CAST: variants seen among roughly 807,000 people sequenced by gnomAD.
CAST encodes calpastatin.
A neutral mutation model predicts 119.6 loss-of-function variants in CAST; 76 were observed. That is an observed-to-expected ratio of 0.64 (90% CI 0.53 to 0.77). The LOEUF is 0.77. CAST is among the 30% of genes least tolerant of loss of function. The pLI, the probability that CAST is intolerant of heterozygous loss-of-function variation, is 0.00. For missense variants in CAST, 953 were observed against 946.5 expected, an observed-to-expected ratio of 1.01 and a Z score of -0.09; for synonymous variants, 319 against 331.6, an observed-to-expected ratio of 0.96 and a Z score of 0.41.
chr5:96,616,753 T>TATATAC (rs1167637550), intron 1 of CAST, among the ~76,000 whole-genome samples: 457 of 130,834 alleles, frequency 3.5e-3, no homozygotes, highest in Admixed American at 4.3e-3. Flanking sequence ...TCTATATATA[T>TATATAC]ACACACACAC....
At chr5:96,115,673 C>G in the CAST span, among the ~76,000 whole-genome samples, 2 of 152,130 alleles carry the variant, frequency 1.3e-5, no homozygotes, top group Non-Finnish European at 2.9e-5. Context: ...ATGTGGTCTT[C>G]CTGCTTTAAG....
At chr5:96,106,360 A>G in the CAST span, among the ~76,000 whole-genome samples, 3 of 152,110 alleles carry the variant, frequency 2.0e-5, no homozygotes, top group Non-Finnish European at 4.4e-5. Context: ...GTGGGCATTT[A>G]GTGCTATAAA....
the CAST span, among the ~76,000 whole-genome samples, chr5:96,465,291 A>G: frequency 6.6e-6 from 1 of 152,012 alleles, no homozygotes; most frequent in Non-Finnish European, 1.5e-5. Flanking sequence ...TTTCAATTAT[A>G]ATAAGGACAC....
the CAST span, among the ~76,000 whole-genome samples, chr5:96,174,946 G>A: frequency 5.9e-5 from 9 of 151,722 alleles, no homozygotes; most frequent in African/African-American, 4.8e-5. Flanking sequence ...ATTTATCTAG[G>A]CAAACTGATA....
the CAST span, among the ~76,000 whole-genome samples, chr5:96,049,432 G>T: frequency 6.6e-6 from 1 of 152,234 alleles, no homozygotes; most frequent in Non-Finnish European, 1.5e-5. Context: ...ATGATGAAAG[G>T]AGTCTGAATT....
At chr5:96,739,954 A>G (rs1762352321) in intron 11 of CAST, 84 bp from the exon 12 acceptor site, 7 of 682,076 alleles carry the variant, frequency 1.0e-5, no homozygotes, top group Non-Finnish European at 1.8e-5. Context: ...TAATAATGGA[A>G]TAGTGCTTTA....
chr5:96,268,793 G>C, the CAST span, among the ~76,000 whole-genome samples: 1 of 152,122 alleles, frequency 6.6e-6, no homozygotes, highest in Non-Finnish European at 1.5e-5. Flanking sequence ...ACTTTTATCA[G>C]ATAAAGTAGA....
chr5:96,539,898 G>A (rs141892917), intron 1 of CAST, among the ~76,000 whole-genome samples: 167 of 152,086 alleles, frequency 1.1e-3, no homozygotes, highest in African/African-American at 3.0e-3. Context: ...TGGGCAATCT[G>A]TCCTTAGTTT....
the CAST span, among the ~76,000 whole-genome samples, chr5:96,427,197 A>G: frequency 6.6e-6 from 1 of 152,238 alleles, no homozygotes; most frequent in Admixed American, 6.5e-5. Flanking sequence ...GAGCAATAAA[A>G]TGAAAACCAA....
At chr5:96,262,038 A>T in the CAST span, among the ~76,000 whole-genome samples, 1 of 152,262 alleles carries the variant, frequency 6.6e-6, no homozygotes, top group Non-Finnish European at 1.5e-5. Flanking sequence ...ATAAATGATC[A>T]AATTAACCTT....
intron 1 of CAST, among the ~76,000 whole-genome samples, chr5:96,613,821 G>A (rs1214476169): frequency 1.3e-5 from 2 of 152,118 alleles, no homozygotes; most frequent in Admixed American, 6.5e-5. Flanking sequence ...TAATCCTGTA[G>A]GTCTGGGGTG....
chr5:96,068,820 T>TAC, the CAST span, among the ~76,000 whole-genome samples: 12 of 151,180 alleles, frequency 7.9e-5, no homozygotes, highest in Non-Finnish European at 4.4e-5. Flanking sequence ...ATTTTATATA[T>TAC]ACACACACAC....
chr5:96,486,705 T>TGG, the CAST span, among the ~76,000 whole-genome samples: 11,080 of 151,642 alleles, frequency 0.073, 1,346 homozygotes, highest in African/African-American at 0.25. Context: ...TCTTTTGTGT[T>TGG]GGGGGGGCAG....
chr5:96,416,874 A>G, the CAST span, among the ~76,000 whole-genome samples: 3 of 152,184 alleles, frequency 2.0e-5, no homozygotes, highest in Non-Finnish European at 2.9e-5. Flanking sequence ...AAATTCCACC[A>G]CTAAAGCATC....
At chr5:96,248,668 T>C in the CAST span, among the ~76,000 whole-genome samples, 9 of 152,340 alleles carry the variant, frequency 5.9e-5, no homozygotes, top group African/African-American at 1.9e-4. Flanking sequence ...ATTTCAGCTT[T>C]TAAAGGACAA....
the CAST span, among the ~76,000 whole-genome samples, chr5:96,226,448 C>T: frequency 1.3e-5 from 2 of 151,888 alleles, no homozygotes; most frequent in Non-Finnish European, 2.9e-5. Context: ...CTCAGGAGTT[C>T]GAGACCGGCC....
At chr5:96,074,642 A>G in the CAST span, among the ~76,000 whole-genome samples, 1 of 152,236 alleles carries the variant, frequency 6.6e-6, no homozygotes, top group African/African-American at 2.4e-5. Context: ...GCTTCCCACA[A>G]AAGAATCTGA....
intron 1 of CAST, among the ~76,000 whole-genome samples, chr5:96,577,264 C>T (rs1746689458): frequency 6.6e-6 from 1 of 150,754 alleles, no homozygotes; most frequent in African/African-American, 2.4e-5. Context: ...TCTAACTTTA[C>T]TTTCTGCCTT....
chr5:96,190,969 C>T, the CAST span, among the ~76,000 whole-genome samples: 10 of 152,300 alleles, frequency 6.6e-5, no homozygotes, highest in South Asian at 1.7e-3. Flanking sequence ...TTATAAATGA[C>T]AGTATGGGGT....
Sources: gnomAD v4.1 joint callset for allele counts (sites outside exome capture counted in the v4.1 genomes callset) on GRCh38, gnomAD v4.1.1 for gene constraint, MANE v1.5 for transcripts, NCBI Gene and HGNC (gene_info 2026-07-23, HGNC 2026-07-21) for gene names.